SLC35C1: variants seen among roughly 807,000 people sequenced by gnomAD.
The protein encoded by SLC35C1 is GDP-fucose transporter 1.
A neutral mutation model predicts 23.2 loss-of-function variants in SLC35C1; 8 were observed. The observed-to-expected ratio is 0.35, with a 90% CI of 0.20 to 0.62. The LOEUF (loss-of-function observed/expected upper bound fraction) is 0.62, where lower values mean the gene tolerates loss of function less well. Among genes scored for constraint, SLC35C1 ranks in the 20% least tolerant of loss-of-function variants. The probability of loss-of-function intolerance (pLI) is 0.75; values close to 1 mark genes in which losing one functional copy is unlikely to be tolerated. For missense variants in SLC35C1, 422 were observed against 478.6 expected (o/e 0.88, Z 1.10); for synonymous variants, 226 against 225.1 (o/e 1.00, Z -0.04).
chr11:45,807,318 T>G (rs1278256870), intron 1 of SLC35C1, among the ~76,000 whole-genome samples: 3 of 152,230 alleles, frequency 2.0e-5, no homozygotes, highest in Non-Finnish European at 2.9e-5. Flanking sequence ...AAACATTCAC[T>G]TCCTCATTTG....
Position 45,810,946 on chromosome 11 carries a change from G to T in SLC35C1, c.706G>T (p.Val236Phe). ...SIWRLTFYNN[V>F]NACILFLPLL... The stretch of plus-strand genomic sequence containing the variant: ...CTGGCGCCTGACTTTCTACAACAAC[G>T]TCAACGCCTGCATCCTCTTCCTGCC... The change falls in exon 2 of 2, where the codon GTC (valine) becomes TTC (phenylalanine). Residue 236 changes from valine to phenylalanine, a missense_variant. Physicochemically the swap from Val to Phe is conservative, Grantham distance 50. Transcript: ENST00000314134. 1.2e-6 allele frequency: 2 copies of T among 1,612,644 alleles called. No individual in the cohort carries two copies. The highest frequency in any genetic ancestry group is 1.7e-6 in the Non-Finnish European group (2 of 1,180,022).
upstream of SLC35C1, chr11:45,804,284 G>GA (rs1274562518): frequency 1.8e-5 from 3 of 169,030 alleles, no homozygotes; most frequent in Admixed American, 2.0e-4. Flanking sequence ...CCCATGCCGC[G>GA]AACAGGCCGG....
chr11:45,807,613 G>A (rs1185950846), intron 1 of SLC35C1, among the ~76,000 whole-genome samples: 1 of 152,190 alleles, frequency 6.6e-6, no homozygotes, highest in Non-Finnish European at 1.5e-5. Flanking sequence ...AGGGTCCCAG[G>A]CTAGATGCAC....
At position 45,805,546 on chromosome 11, in the gene SLC35C1, A is replaced by G; in HGVS notation, c.-256A>G. The G allele has an allele frequency of 7.1e-7, 1 of 1,414,804 alleles. No individual in the cohort carries two copies. The highest frequency in any genetic ancestry group is 9.2e-7 in the Non-Finnish European group (1 of 1,084,354). The allele number at this position is 1,414,804 out of a possible 1,614,324, so 87.6% of individuals were successfully genotyped here. On this transcript the variant is annotated 5_prime_UTR_variant, in exon 1 of 2. Transcript: ENST00000314134. ...TTCTCTGTCCTGGCCTCACCGCCTT[A>G]TCCTATTCCTCTCCCTTGCCCTGTG...
Position 45,806,108 on chromosome 11 carries a change from G to T in SLC35C1, c.307G>T (p.Asp103Tyr), listed in dbSNP as rs760741388. The part of the protein sequence containing the change: ...ALAACCPGAV[D>Y]FPSLRLDLRV... ...GGCCGCCTGCTGCCCTGGTGCCGTG[G>T]ACTTCCCCAGCTTGCGCCTGGACCT... The change falls in exon 1 of 2, where the codon GAC becomes TAC. Residue 103 changes from aspartate (D) to tyrosine (Y), a missense_variant. By Grantham distance (160) the Asp-to-Tyr change is radical (BLOSUM62 -3). Transcript: ENST00000314134. 5 of 1,610,010 alleles carry T rather than the reference G, an allele frequency of 3.1e-6. No individual in the cohort carries two copies. Among genetic ancestry groups the T allele is most frequent in the Admixed American group, 3.3e-5 (2 of 59,994 alleles).
rs747660149 is a variant in SLC35C1, at chr11:45,810,952, G to A, written c.712G>A (p.Ala238Thr). ...CCTGACTTTCTACAACAACGTCAAC[G>A]CCTGCATCCTCTTCCTGCCCCTGCT... Reference protein sequence around the residue: ...WRLTFYNNVNACILFLPLLLL... With the variant: ...WRLTFYNNVNTCILFLPLLLL... Residue 238 changes from alanine (A) to threonine (T), a missense_variant, in exon 2 of 2, where the codon GCC becomes ACC. Ala to Thr is a moderately conservative substitution (Grantham distance 58, BLOSUM62 0). Transcript: ENST00000314134. The A allele has an allele frequency of 2.0e-5, 33 of 1,612,614 alleles. No homozygotes were observed. The highest frequency in any genetic ancestry group is 2.2e-5 in the Non-Finnish European group (26 of 1,180,046).
chr11:45,812,299 T>G lies in SLC35C1; in HGVS notation c.*964T>G. 3.0e-6 allele frequency: 1 copy of G among 334,814 alleles called. No homozygotes were observed. The highest frequency in any genetic ancestry group is 2.4e-5 in the South Asian group (1 of 41,532). 20.7% of individuals were successfully genotyped at this position (334,814 alleles called of 1,614,324 possible). On this transcript the variant is annotated 3_prime_UTR_variant, in exon 2 of 2. Transcript: ENST00000314134. ...CGCCCCTAGATCTCTGCAAGGGAGG[T>G]GTTACAGCTGGTTCTGAGCCGCTTG...
chr11:45,808,366 T>A (rs1033404815), intron 1 of SLC35C1, among the ~76,000 whole-genome samples: 1 of 152,078 alleles, frequency 6.6e-6, no homozygotes, highest in Non-Finnish European at 1.5e-5. Flanking sequence ...CCGGGCGTGG[T>A]GGCATGTGCC....
At chr11:45,805,134 T>C (rs2085853662), upstream of SLC35C1, 1 of 986,048 alleles carries the variant, frequency 1.0e-6, no homozygotes, top group Admixed American at 6.1e-5. Flanking sequence ...AGGGCCCGCC[T>C]CCCGGGGAGT....
At position 45,812,499 on chromosome 11, in the gene SLC35C1, A is replaced by T; in HGVS notation, c.*1164A>T. 2.2e-6 allele frequency: 1 copy of T among 455,552 alleles called. No individual in the cohort carries two copies. 28.2% of individuals were successfully genotyped at this position (455,552 alleles called of 1,614,324 possible). A position where few individuals can be genotyped will look rare whatever the true frequency, so the allele number is the denominator to read the frequency against. ...GTCCTGGGGGGCTGGGACGCCCAAG[A>T]TCAAGAGGCCAGCAGATTCGGACTC... On this transcript the variant is annotated 3_prime_UTR_variant, in exon 2 of 2. Coordinates refer to ENST00000314134, the MANE Select transcript of SLC35C1 (RefSeq NM_018389.5).
At chr11:45,806,469 T>G (rs1590743921) in intron 1 of SLC35C1, 133 bp downstream of exon 1, 2 of 1,259,502 alleles carry the variant, frequency 1.6e-6, no homozygotes, top group African/African-American at 3.0e-5. Context: ...AGAAAGAGCC[T>G]GGGGGCACAG....
Position 45,806,462 on chromosome 11 carries a change from A to G in SLC35C1, c.535+126A>G, listed in dbSNP as rs1008447538. The G allele has an allele frequency of 1.1e-5, 14 of 1,310,432 alleles. No homozygotes were observed. The African/African-American group carries it at 2.0e-4, about 19-fold the overall frequency. 81.2% of individuals were successfully genotyped at this position (1,310,432 alleles called of 1,614,324 possible). ...CCTTTGGTGCAGCAGTCATAGGAGA[A>G]AGAGCCTGGGGGCACAGAGAGAGCA... On this transcript the variant is annotated intron_variant, in intron 1 of 1. Transcript: ENST00000314134.
intron 1 of SLC35C1, chr11:45,810,015 T>C: frequency 1.0e-6 from 1 of 985,124 alleles, no homozygotes; most frequent in South Asian, 4.7e-5. Flanking sequence ...GAGGAGGGTG[T>C]TTCTGGCACA....
Position 45,805,375 on chromosome 11 carries a change from G to A in SLC35C1, c.-427G>A. ...CCACAGCCGCCCATGACGCCCTCTC[G>A]GCACCTCTTCCCACTCTGCCACGCG... On this transcript the variant is annotated 5_prime_UTR_variant, in exon 1 of 2. Transcript: ENST00000314134. 1.1e-6 allele frequency: 1 copy of A among 942,824 alleles called. No homozygotes were observed. Among genetic ancestry groups the A allele is most frequent in the African/African-American group, 2.2e-5 (1 of 45,044 alleles). The allele number at this position is 942,824 out of a possible 1,614,324, so 58.4% of individuals were successfully genotyped here. A position where few individuals can be genotyped will look rare whatever the true frequency, so the allele number is the denominator to read the frequency against.
rs759655075 is a variant in SLC35C1, at chr11:45,805,876, G to A, written c.75G>A (p.Glu25=). ...ALTGASDPSA[E]AEANGEKPFL... is the part of the protein sequence containing the mutation. ...CCGGGGCCTCAGACCCCTCTGCAGA[G>A]GCAGAGGCCAACGGGGAGAAGCCCT... Residue 25 remains glutamate, a synonymous_variant, in exon 1 of 2, where the codon GAG becomes GAA. Coordinates refer to ENST00000314134, the MANE Select transcript of SLC35C1 (RefSeq NM_018389.5). The A allele has an allele frequency of 1.9e-6, 3 of 1,614,062 alleles. No homozygotes were observed. In the African/African-American group the frequency reaches 4.0e-5, roughly 22 times the overall value.
rs1180889808 is a variant in SLC35C1 at position 45,812,901 on chromosome 11, A to G, written c.*1566A>G. Reference sequence around the variant, plus strand: ...CTCTATATAGTGAAAAGCTAGGGAGAGCGGGTCTTCTCCCCCCTCCCTCTC... The same window carrying G: ...CTCTATATAGTGAAAAGCTAGGGAGGGCGGGTCTTCTCCCCCCTCCCTCTC... On this transcript the variant is annotated 3_prime_UTR_variant, in exon 2 of 2. Coordinates refer to ENST00000314134, the MANE Select transcript of SLC35C1 (RefSeq NM_018389.5). 9.7e-6 allele frequency: 3 copies of G among 308,656 alleles called. No individual in the cohort carries two copies. The highest frequency in any genetic ancestry group is 4.3e-5 in the African/African-American group (2 of 46,262). 19.1% of individuals were successfully genotyped at this position (308,656 alleles called of 1,614,324 possible). A position where few individuals can be genotyped will look rare whatever the true frequency, so the allele number is the denominator to read the frequency against.
chr11:45,804,377 T>C (rs1307596939), upstream of SLC35C1: 5 of 632,766 alleles, frequency 7.9e-6, no homozygotes, highest in African/African-American at 6.0e-5. Context: ...GCGCTGCAGA[T>C]GCAGCACGGG....
intron 1 of SLC35C1, among the ~76,000 whole-genome samples, chr11:45,808,773 C>T (rs1295842619): frequency 5.3e-5 from 8 of 152,258 alleles, no homozygotes; most frequent in Non-Finnish European, 1.0e-4. Flanking sequence ...GAGGCTGAGG[C>T]GGGCAGATCA....
intron 1 of SLC35C1, among the ~76,000 whole-genome samples, chr11:45,807,293 A>T (rs1196100344): frequency 6.6e-6 from 1 of 152,250 alleles, no homozygotes; most frequent in Non-Finnish European, 1.5e-5. Flanking sequence ...ATTAGTTAAA[A>T]TTAAGCAAAA....
Sources: gnomAD v4.1 joint callset for allele counts (sites outside exome capture counted in the v4.1 genomes callset) on GRCh38, gnomAD v4.1.1 for gene constraint, MANE v1.5 for transcripts, NCBI Gene and HGNC (gene_info 2026-07-23, HGNC 2026-07-21) for gene names.